Variants in KCNN2 observed in about 807,000 individuals in gnomAD.
KCNN2 encodes small conductance calcium-activated potassium channel protein 2.
KCNN2 carries 24 observed loss-of-function variants against 55.5 expected under a neutral mutation model. The observed-to-expected ratio is 0.43, with a 90% CI of 0.31 to 0.61. The LOEUF (loss-of-function observed/expected upper bound fraction) is 0.61, where lower values mean the gene tolerates loss of function less well. KCNN2 is among the 20% of genes least tolerant of loss of function. KCNN2 has a pLI of 0.08. For missense variants in KCNN2, 754 were observed against 853.6 expected (o/e 0.88, Z 1.45); for synonymous variants, 431 against 336.1 (o/e 1.28, Z -3.09).
chr5:114,300,420 C>T (rs999768755), intron 2 of KCNN2, among the ~76,000 whole-genome samples: 28 of 152,154 alleles, frequency 1.8e-4, no homozygotes, highest in African/African-American at 6.3e-4. Flanking sequence ...AAAGCAATTA[C>T]ATTGGAGAAT....
At chr5:114,473,621 G>A (rs1158151379) in intron 5 of KCNN2, among the ~76,000 whole-genome samples, 1 of 152,128 alleles carries the variant, frequency 6.6e-6, no homozygotes, top group Non-Finnish European at 1.5e-5. Flanking sequence ...GCCAGAAACA[G>A]GCTCTTTCCT....
intron 1 of KCNN2, among the ~76,000 whole-genome samples, chr5:114,214,299 T>C (rs1580625782): frequency 6.6e-6 from 1 of 151,962 alleles, no homozygotes; most frequent in East Asian, 1.9e-4. Context: ...CAATAAAACT[T>C]TGTTTACACA....
At chr5:114,218,887 T>C (rs1272685544) in intron 1 of KCNN2, among the ~76,000 whole-genome samples, 1 of 152,186 alleles carries the variant, frequency 6.6e-6, no homozygotes, top group Non-Finnish European at 1.5e-5. Context: ...GACACCTTCA[T>C]GGGACTTGTG....
intron 1 of KCNN2, among the ~76,000 whole-genome samples, chr5:114,102,316 T>G (rs1294564898): frequency 6.6e-6 from 1 of 151,994 alleles, no homozygotes; most frequent in Admixed American, 6.6e-5. Flanking sequence ...GTTGAAGTTC[T>G]TTGTAGATTC....
chr5:114,166,156 C>A (rs561868774), intron 1 of KCNN2, among the ~76,000 whole-genome samples: 1 of 152,118 alleles, frequency 6.6e-6, no homozygotes, highest in Non-Finnish European at 1.5e-5. Context: ...TCCCAAAGTG[C>A]TGCTTATCAA....
chr5:114,060,560 A>G (rs1750304634), intron 1 of KCNN2, among the ~76,000 whole-genome samples: 1 of 152,254 alleles, frequency 6.6e-6, no homozygotes, highest in Non-Finnish European at 1.5e-5. Context: ...TAAAGTCACA[A>G]GGACCTCCCT....
At chr5:114,481,969 A>G (rs1482959835) in intron 5 of KCNN2, among the ~76,000 whole-genome samples, 1 of 152,220 alleles carries the variant, frequency 6.6e-6, no homozygotes, top group Non-Finnish European at 1.5e-5. Flanking sequence ...GGACATAGTC[A>G]CGGGCAAAGA....
At chr5:114,483,885 C>T (rs749283717) in intron 5 of KCNN2, among the ~76,000 whole-genome samples, 1 of 151,972 alleles carries the variant, frequency 6.6e-6, no homozygotes, top group African/African-American at 2.4e-5. Flanking sequence ...TGATGGACAT[C>T]GGTAAATCCT....
chr5:114,491,009 G>C (rs924895036), intron 6 of KCNN2, among the ~76,000 whole-genome samples: 2 of 152,100 alleles, frequency 1.3e-5, no homozygotes, highest in African/African-American at 4.8e-5. Context: ...CAAACAACAA[G>C]ACAAGATGAT....
intron 1 of KCNN2, among the ~76,000 whole-genome samples, chr5:114,212,492 CTAAT>C (rs770869889): frequency 3.3e-5 from 5 of 152,090 alleles, no homozygotes; most frequent in South Asian, 2.1e-4. Context: ...GTACTAAAAA[CTAAT>C]TAATTGTGTA....
chr5:114,401,144 G>A (rs1240248533), intron 2 of KCNN2, among the ~76,000 whole-genome samples: 2 of 151,780 alleles, frequency 1.3e-5, no homozygotes, highest in Non-Finnish European at 2.9e-5. Flanking sequence ...TGAGGGTCAG[G>A]ATTATGTGGA....
At position 114,065,747 on chromosome 5, in the gene KCNN2, T is replaced by C. The variant is rs535330007; in HGVS notation, c.-271+9247T>C. Among the ~76,000 whole-genome samples, 6 of 151,982 alleles carry C rather than the reference T, an allele frequency of 3.9e-5. No individual in the cohort carries two copies. In the South Asian group the frequency reaches 1.2e-3, roughly 32 times the overall value. ...TTACTATTTTACAGAGCCAAGTCTT[T>C]CCTGGTATAGAGTGGAGTGTGCATG... On this transcript the variant is annotated intron_variant, in intron 1 of 10. Coordinates refer to the KCNN2 transcript ENST00000512097.
intron 2 of KCNN2, among the ~76,000 whole-genome samples, chr5:114,381,081 TA>T (rs1261453620): frequency 6.6e-6 from 1 of 152,288 alleles, no homozygotes; most frequent in Non-Finnish European, 1.5e-5. Flanking sequence ...AAAAGCTAAT[TA>T]AGAATGTGGA....
intron 2 of KCNN2, among the ~76,000 whole-genome samples, chr5:114,324,781 A>G (rs975891666): frequency 6.6e-6 from 1 of 152,222 alleles, no homozygotes; most frequent in African/African-American, 2.4e-5. Flanking sequence ...CAGTAGGCAG[A>G]AGCTGGAAGA....
chr5:114,163,320 A>G (rs10062386), intron 1 of KCNN2, among the ~76,000 whole-genome samples: 124,642 of 152,090 alleles, frequency 0.82, 52,061 homozygotes, highest in East Asian at 0.94. Flanking sequence ...GGAACTTCCA[A>G]TACTATGTTG....
chr5:114,226,179 G>A (rs180923462), intron 2 of KCNN2, among the ~76,000 whole-genome samples: 1 of 152,172 alleles, frequency 6.6e-6, no homozygotes, highest in Admixed American at 6.5e-5. Flanking sequence ...TAACCTAAAG[G>A]AAACCTTAGA....
chr5:114,148,152 G>T (rs1322328222), intron 1 of KCNN2, among the ~76,000 whole-genome samples: 2 of 152,146 alleles, frequency 1.3e-5, no homozygotes, highest in Non-Finnish European at 2.9e-5. Flanking sequence ...TATAGTGAGA[G>T]CAAATTTTTC....
At chr5:114,372,348 A>G (rs1757786050) in intron 2 of KCNN2, among the ~76,000 whole-genome samples, 1 of 152,178 alleles carries the variant, frequency 6.6e-6, no homozygotes. Flanking sequence ...CTGCTCATCC[A>G]TGATGTTTGA....
At chr5:114,395,569 C>A (rs2150065994) in intron 2 of KCNN2, among the ~76,000 whole-genome samples, 1 of 152,278 alleles carries the variant, frequency 6.6e-6, no homozygotes. Flanking sequence ...TAAAACAGAT[C>A]ATATATATTG....
Sources: gnomAD v4.1 joint callset for allele counts (sites outside exome capture counted in the v4.1 genomes callset) on GRCh38, gnomAD v4.1.1 for gene constraint, MANE v1.5 for transcripts, NCBI Gene and HGNC (gene_info 2026-07-23, HGNC 2026-07-21) for gene names.